Variants in CAMTA1 observed in about 807,000 individuals in gnomAD.
CAMTA1 encodes the protein calmodulin binding transcription activator 1.
CAMTA1 carries 27 observed loss-of-function variants against 170.9 expected under a neutral mutation model. The ratio of observed to expected loss-of-function variants is 0.16; its 90% CI spans 0.12 to 0.22. The LOEUF (loss-of-function observed/expected upper bound fraction) is 0.22, where lower values mean the gene tolerates loss of function less well. Among genes scored for constraint, CAMTA1 ranks in the 10% least tolerant of loss-of-function variants. The pLI, the probability that CAMTA1 is intolerant of heterozygous loss-of-function variation, is 1.00. For synonymous variants in CAMTA1, 833 were observed against 891.5 expected (o/e 0.93, Z 1.17); for missense variants, 1,619 against 2,217.2 (o/e 0.73, Z 5.42).
intron 4 of CAMTA1, among the ~76,000 whole-genome samples, chr1:7,201,576 C>T (rs116791219): frequency 6.6e-6 from 1 of 152,264 alleles, no homozygotes; most frequent in Non-Finnish European, 1.5e-5. Context: ...TCATCTTCCT[C>T]CTGGGTATTA....
At chr1:7,260,592 A>G (rs1226654392) in intron 5 of CAMTA1, among the ~76,000 whole-genome samples, 1 of 152,194 alleles carries the variant, frequency 6.6e-6, no homozygotes, top group Non-Finnish European at 1.5e-5. Context: ...TGGCTGAGCC[A>G]ATGGCATGTG....
intron 6 of CAMTA1, among the ~76,000 whole-genome samples, chr1:7,568,976 C>T (rs1222585954): frequency 6.6e-6 from 1 of 151,108 alleles, no homozygotes; most frequent in African/African-American, 2.4e-5. Flanking sequence ...ATCACCACCA[C>T]TATCACTATC....
chr1:7,613,446 G>T (rs997095774), intron 6 of CAMTA1, among the ~76,000 whole-genome samples: 3 of 152,140 alleles, frequency 2.0e-5, no homozygotes, highest in African/African-American at 7.2e-5. Flanking sequence ...TAAAGCCAGA[G>T]CTGGGTTTTG....
intron 5 of CAMTA1, among the ~76,000 whole-genome samples, chr1:7,363,991 C>T (rs1275672494): frequency 6.6e-6 from 1 of 152,144 alleles, no homozygotes; most frequent in Non-Finnish European, 1.5e-5. Flanking sequence ...GAGTCCAGCC[C>T]CATCAGCTTA....
intron 11 of CAMTA1, among the ~76,000 whole-genome samples, chr1:7,716,246 T>C (rs1285298269): frequency 6.6e-6 from 1 of 152,118 alleles, no homozygotes; most frequent in East Asian, 1.9e-4. Context: ...TGGCCCAGGC[T>C]GGTCTCCAAC....
At chr1:7,533,230 G>A (rs527316468) in intron 6 of CAMTA1, among the ~76,000 whole-genome samples, 2 of 152,296 alleles carry the variant, frequency 1.3e-5, no homozygotes, top group Admixed American at 6.5e-5. Flanking sequence ...TCCAGGGGCA[G>A]GCCCTTCCCT....
intron 5 of CAMTA1, among the ~76,000 whole-genome samples, chr1:7,385,371 A>G (rs1273231992): frequency 6.6e-6 from 1 of 152,210 alleles, no homozygotes; most frequent in African/African-American, 2.4e-5. Context: ...TTCCAGAACA[A>G]ATACAGCTGC....
chr1:7,134,611 A>G (rs188724849), intron 4 of CAMTA1, among the ~76,000 whole-genome samples: 42 of 152,180 alleles, frequency 2.8e-4, no homozygotes, highest in African/African-American at 9.4e-4. Context: ...CCTGGCCCAC[A>G]TTTTCTTTAT....
intron 3 of CAMTA1, among the ~76,000 whole-genome samples, chr1:6,922,190 C>T (rs1432365936): frequency 6.6e-6 from 1 of 152,116 alleles, no homozygotes; most frequent in East Asian, 1.9e-4. Flanking sequence ...GCCAAAAACT[C>T]ACACAATTCT....
At position 7,684,771 on chromosome 1, in the gene CAMTA1, T is replaced by C. The variant is rs1214597792; in HGVS notation, c.2914+7038T>C. Among the ~76,000 whole-genome samples, 3 of 152,316 alleles carry C rather than the reference T, an allele frequency of 2.0e-5. No individual in the cohort carries two copies. The East Asian group carries it at 5.8e-4, about 29-fold the overall frequency. On this transcript the variant is annotated intron_variant, in intron 11 of 22. Transcript: ENST00000303635. ...CCCATTCTGAGGTTCCCTGTAGACA[T>C]GAGCATTTGAGGAACACTGTTCAAT...
rs139927163 is a variant in CAMTA1 at position 7,464,959 on chromosome 1, C to T, written c.439-2871C>T. Among the ~76,000 whole-genome samples the T allele has an allele frequency of 6.4e-3, 968 of 152,288 alleles. 7 individuals carry two copies. The highest frequency in any genetic ancestry group is 9.2e-3 in the Non-Finnish European group (626 of 68,022). The stretch of plus-strand genomic sequence containing the variant: ...CCCCGGCTCATCAGCAGGGGATTGC[C>T]GTGAGCTGCTTTCCCCACTTGGACA... On this transcript the variant is annotated intron_variant, in intron 5 of 22. Transcript: ENST00000303635.
chr1:6,801,814 T>G (rs1443178223), intron 1 of CAMTA1, among the ~76,000 whole-genome samples: 1 of 141,496 alleles, frequency 7.1e-6, no homozygotes, highest in African/African-American at 2.6e-5. Context: ...AATCACACAT[T>G]AAAAAAAAAA....
chr1:7,237,160 T>G (rs543034420), intron 4 of CAMTA1, among the ~76,000 whole-genome samples: 1 of 152,336 alleles, frequency 6.6e-6, no homozygotes, highest in East Asian at 1.9e-4. Flanking sequence ...AAAGAGTTCT[T>G]TAGAAGCCAT....
intron 21 of CAMTA1, among the ~76,000 whole-genome samples, chr1:7,755,343 A>T (rs1261186633): frequency 6.6e-6 from 1 of 151,196 alleles, no homozygotes; most frequent in Non-Finnish European, 1.5e-5. Flanking sequence ...AAAAAAAAAA[A>T]AAAAAAAAAG....
At chr1:6,823,968 T>C (rs1646820296) in intron 2 of CAMTA1, among the ~76,000 whole-genome samples, 1 of 152,158 alleles carries the variant, frequency 6.6e-6, no homozygotes, top group African/African-American at 2.4e-5. Context: ...TTGGGAAAAC[T>C]GAAACTATTA....
Position 7,010,719 on chromosome 1 carries a change from C to G in CAMTA1, c.235-80585C>G, listed in dbSNP as rs559941143. On this transcript the variant is annotated intron_variant, in intron 3 of 22. Coordinates refer to ENST00000303635, the MANE Select transcript of CAMTA1 (RefSeq NM_015215.4). The surrounding 1 kb of genome is among the most constrained non-coding windows in gnomAD (Gnocchi z 4.4). ...GGTTGGCTCTCCACACCCACCCTCA[C>G]TGCCACCCCCAGCCCCAGCCTTCCT... is the stretch of plus-strand genomic sequence containing the variant. Among the ~76,000 whole-genome samples, 2 of 152,324 alleles carry G rather than the reference C, an allele frequency of 1.3e-5. No individual in the cohort carries two copies. Among genetic ancestry groups the G allele is most frequent in the South Asian group, 4.1e-4 (2 of 4,830 alleles).
chr1:6,840,330 G>T (rs1210624922), intron 3 of CAMTA1, among the ~76,000 whole-genome samples: 1 of 152,130 alleles, frequency 6.6e-6, no homozygotes, highest in Middle Eastern at 3.2e-3. Flanking sequence ...TGGCAGTCAG[G>T]GGAAGCAGAG....
intron 12 of CAMTA1, among the ~76,000 whole-genome samples, chr1:7,735,959 G>A (rs1418389836): frequency 6.6e-6 from 1 of 151,980 alleles, no homozygotes; most frequent in Non-Finnish European, 1.5e-5. Flanking sequence ...TTTTAGTAGA[G>A]ATGGGGTTAG....
intron 5 of CAMTA1, among the ~76,000 whole-genome samples, chr1:7,309,531 C>T (rs1199905512): frequency 1.3e-5 from 2 of 151,618 alleles, no homozygotes; most frequent in African/African-American, 4.8e-5. Context: ...GATCTCCTGA[C>T]CTCGTGATCC....
Sources: gnomAD v4.1 joint callset for allele counts (sites outside exome capture counted in the v4.1 genomes callset) on GRCh38, gnomAD v4.1.1 for gene constraint, Gnocchi (gnomAD v3.1) non-coding constraint, MANE v1.5 for transcripts, NCBI Gene and HGNC (gene_info 2026-07-23, HGNC 2026-07-21) for gene names.